TSC22D2: variants seen among roughly 807,000 people sequenced by gnomAD.
TSC22D2 encodes TSC22 domain family member 2, also known as TSC22 domain family protein 2.
TSC22D2 carries 5 observed loss-of-function variants against 50.1 expected under a neutral mutation model. That is an observed-to-expected ratio of 0.10 (90% confidence interval 0.05 to 0.21). TSC22D2 has a LOEUF of 0.21. Ranked by LOEUF, TSC22D2 falls within the 10% of genes least tolerant of loss-of-function variation. The probability of loss-of-function intolerance (pLI) is 1.00; values close to 1 mark genes in which losing one functional copy is unlikely to be tolerated. For synonymous variants in TSC22D2, 501 were observed against 450.1 expected, an observed-to-expected ratio of 1.11 and a Z score of -1.43; for missense variants, 1,003 against 1,015.5, an observed-to-expected ratio of 0.99 and a Z score of 0.17.
At chr3:150,422,055 T>C (rs2108069863) in intron 1 of TSC22D2, among the ~76,000 whole-genome samples, 1 of 152,372 alleles carries the variant, frequency 6.6e-6, no homozygotes, top group Middle Eastern at 3.4e-3. Flanking sequence ...TAATGGTGCC[T>C]ACCTCTTAGG....
Position 150,458,648 on chromosome 3 carries a change from G to T in TSC22D2, c.*12G>T, listed in dbSNP as rs1295912763. On this transcript the variant is annotated 3_prime_UTR_variant, in exon 3 of 3. Coordinates refer to ENST00000688009, the MANE Select transcript of TSC22D2 (RefSeq NM_001303264.2). ...TCTCCTCAGCATAAAGCTTTCTTAA[G>T]CCTCATTAAGAAAAAAACTGAAAGC... is the stretch of plus-strand genomic sequence containing the variant. 6.2e-7 allele frequency: 1 copy of T among 1,610,128 alleles called. No individual in the cohort carries two copies. The highest frequency in any genetic ancestry group is 1.3e-5 in the African/African-American group (1 of 74,672).
rs1264142980 is a variant in TSC22D2 at position 150,460,529 on chromosome 3, T to C, written c.*1893T>C. On this transcript the variant is annotated 3_prime_UTR_variant, in exon 3 of 3. Transcript: ENST00000688009. Reference sequence around the variant, plus strand: ...GTACATGAGATTGCCAAATATTTTCTATTCTAGTTGTGCTGCAAGACATTG... The same window carrying C: ...GTACATGAGATTGCCAAATATTTTCCATTCTAGTTGTGCTGCAAGACATTG... 1.3e-5 allele frequency: 2 copies of C among 152,248 alleles called. No homozygotes were observed. Among genetic ancestry groups the C allele is most frequent in the African/African-American group, 2.4e-5 (1 of 41,470 alleles). The allele number at this position is 152,248 out of a possible 1,614,324, so 9.4% of individuals were successfully genotyped here.
chr3:150,435,041 G>A (rs1301752785), intron 1 of TSC22D2, among the ~76,000 whole-genome samples: 2 of 152,012 alleles, frequency 1.3e-5, no homozygotes, highest in Non-Finnish European at 2.9e-5. Context: ...GCAATAGCAC[G>A]ATCTCGGCTC....
At chr3:150,422,720 G>A (rs939320618) in intron 1 of TSC22D2, among the ~76,000 whole-genome samples, 104 of 152,294 alleles carry the variant, frequency 6.8e-4, no homozygotes, top group African/African-American at 2.4e-3. Flanking sequence ...AAAGGCATTT[G>A]ATATAGAAGA....
intron 1 of TSC22D2, among the ~76,000 whole-genome samples, chr3:150,437,519 T>A (rs1720584008): frequency 6.6e-6 from 1 of 151,832 alleles, no homozygotes; most frequent in Non-Finnish European, 1.5e-5. Flanking sequence ...GTCTAGAAAC[T>A]CAGCCAGGCA....
rs769753574 is a variant in TSC22D2, at chr3:150,409,887, A to G, written c.537A>G (p.Arg179=). The change falls in exon 1 of 3, where the codon CGA becomes CGG. Residue 179 remains arginine (R), a synonymous_variant. Coordinates refer to ENST00000688009, the MANE Select transcript of TSC22D2 (RefSeq NM_001303264.2). The surrounding 1 kb of genome is among the most constrained non-coding windows in gnomAD (Gnocchi z 7.4). ...GCGGAGAGCCCTATAGACGCGGCCGATGGACGTGTATGGAATACTATGAGA... is the reference window on the plus strand; with the variant it reads ...GCGGAGAGCCCTATAGACGCGGCCGGTGGACGTGTATGGAATACTATGAGA... ...HGSGEPYRRG[R]WTCMEYYERD... The G allele has an allele frequency of 2.6e-5, 42 of 1,613,132 alleles. No homozygotes were observed. The highest frequency in any genetic ancestry group is 1.6e-4 in the Middle Eastern group (1 of 6,084).
intron 1 of TSC22D2, among the ~76,000 whole-genome samples, chr3:150,418,008 T>C (rs904772614): frequency 6.6e-6 from 1 of 152,110 alleles, no homozygotes; most frequent in Non-Finnish European, 1.5e-5. Context: ...TAGCCTTATG[T>C]ATATGAGACC....
chr3:150,448,880 A>G (rs1057007075), intron 1 of TSC22D2, among the ~76,000 whole-genome samples: 24 of 149,592 alleles, frequency 1.6e-4, no homozygotes, highest in African/African-American at 3.2e-4. Flanking sequence ...AATCTTGTAT[A>G]TATATATATA....
Position 150,461,567 on chromosome 3 carries a change from TTA to T in TSC22D2, c.*2932_*2933del, listed in dbSNP as rs1483782260. On this transcript the variant is annotated 3_prime_UTR_variant, in exon 3 of 3. Coordinates refer to ENST00000688009, the MANE Select transcript of TSC22D2 (RefSeq NM_001303264.2). ...AAACCTAACTTTCCCCAAATAAAAT[TTA>T]GTTTGTTCCGATGTGATCTCACAGC... The T allele has an allele frequency of 2.0e-5, 3 of 152,164 alleles. No individual in the cohort carries two copies. The highest frequency in any genetic ancestry group is 4.8e-5 in the African/African-American group (2 of 41,444). 9.4% of individuals were successfully genotyped at this position (152,164 alleles called of 1,614,324 possible). A position where few individuals can be genotyped will look rare whatever the true frequency, so the allele number is the denominator to read the frequency against.
Position 150,458,363 on chromosome 3 carries a change from T to G in TSC22D2, c.2011-13T>G. On this transcript the variant is annotated splice_polypyrimidine_tract_variant and intron_variant, in intron 2 of 2. Coordinates refer to ENST00000688009, the MANE Select transcript of TSC22D2 (RefSeq NM_001303264.2). ...TTTCACTCTTTTGACATTCCTAATT[T>G]TGTTTTTCACAGGATCTGGTGAAAA... 1 of 1,606,720 alleles carries G rather than the reference T, an allele frequency of 6.2e-7. No homozygotes were observed. Among genetic ancestry groups the G allele is most frequent in the Non-Finnish European group, 8.5e-7 (1 of 1,176,158 alleles).
At chr3:150,428,623 G>T (rs1720277571) in intron 1 of TSC22D2, among the ~76,000 whole-genome samples, 1 of 151,410 alleles carries the variant, frequency 6.6e-6, no homozygotes, top group African/African-American at 2.4e-5. Context: ...ACTTAGATAT[G>T]TGTGTTAATG....
chr3:150,434,822 G>A (rs1720485159), intron 1 of TSC22D2, among the ~76,000 whole-genome samples: 1 of 150,842 alleles, frequency 6.6e-6, no homozygotes, highest in Admixed American at 6.7e-5. Flanking sequence ...GCTTATATAT[G>A]TATGTGTATA....
intron 1 of TSC22D2, among the ~76,000 whole-genome samples, chr3:150,433,225 T>TA (rs987226744): frequency 2.0e-5 from 3 of 152,242 alleles, no homozygotes; most frequent in African/African-American, 7.2e-5. Context: ...TGGAAGGTGC[T>TA]ATTGTATTTT....
intron 1 of TSC22D2, among the ~76,000 whole-genome samples, chr3:150,442,975 G>A (rs1205139319): frequency 7.2e-5 from 11 of 152,130 alleles, no homozygotes; most frequent in Non-Finnish European, 1.5e-4. Flanking sequence ...TCAAACCTGG[G>A]TATAACTCCA....
chr3:150,453,990 C>T (rs1445804097), intron 1 of TSC22D2, among the ~76,000 whole-genome samples: 1 of 152,096 alleles, frequency 6.6e-6, no homozygotes, highest in Non-Finnish European at 1.5e-5. Flanking sequence ...GCATATAATC[C>T]TTATTTTAAA....
At chr3:150,420,219 TG>T (rs1220313319) in intron 1 of TSC22D2, among the ~76,000 whole-genome samples, 12 of 152,218 alleles carry the variant, frequency 7.9e-5, no homozygotes, top group African/African-American at 2.4e-4. Flanking sequence ...TCTACTTCCT[TG>T]ATCAGTGATT....
chr3:150,412,856 G>A lies in TSC22D2; in HGVS notation c.1958+1548G>A, dbSNP rs141144050. Among the ~76,000 whole-genome samples, 697 of 152,132 alleles carry A rather than the reference G, an allele frequency of 4.6e-3. 12 individuals are homozygous for A. The highest frequency in any genetic ancestry group is 0.016 in the African/African-American group (648 of 41,502). On this transcript the variant is annotated intron_variant, in intron 1 of 2. Transcript: ENST00000688009. Reference sequence around the variant, plus strand: ...TTTCACCTTTGGTAATAATCAACAGGCATCTTCACTTTTCTAGCTGCCACA... The same window carrying A: ...TTTCACCTTTGGTAATAATCAACAGACATCTTCACTTTTCTAGCTGCCACA...
intron 1 of TSC22D2, among the ~76,000 whole-genome samples, chr3:150,419,681 G>C (rs932734265): frequency 6.6e-6 from 1 of 152,052 alleles, no homozygotes; most frequent in Non-Finnish European, 1.5e-5. Context: ...GCAAAAACAG[G>C]TAGACATGCC....
At position 150,447,916 on chromosome 3, in the gene TSC22D2, C is replaced by T. The variant is rs561655498; in HGVS notation, c.1959-9160C>T. On this transcript the variant is annotated intron_variant, in intron 1 of 2. Coordinates refer to ENST00000688009, the MANE Select transcript of TSC22D2 (RefSeq NM_001303264.2). ...TATAGTGTCGAGTTTTTAATTTGGG[C>T]TTACATCCCTTGGTATGTATTATTC... is the stretch of plus-strand genomic sequence containing the variant. 3.9e-5 allele frequency among the ~76,000 whole-genome samples: 6 copies of T among 152,208 alleles called. No individual in the cohort carries two copies. In the East Asian group the frequency reaches 1.2e-3, roughly 29 times the overall value.
Sources: gnomAD v4.1 joint callset for allele counts (sites outside exome capture counted in the v4.1 genomes callset) on GRCh38, gnomAD v4.1.1 for gene constraint, Gnocchi (gnomAD v3.1) non-coding constraint, MANE v1.5 for transcripts, NCBI Gene and HGNC (gene_info 2026-07-23, HGNC 2026-07-21) for gene names.